Variants in ZNF184 observed in about 807,000 individuals in gnomAD.
ZNF184 encodes the protein zinc finger protein 184, also known as zinc finger protein 184 (Kruppel-like).
In ZNF184, 16 loss-of-function variants were observed where a neutral mutation model predicts 54.4. The observed-to-expected ratio is 0.29, with a 90% CI of 0.20 to 0.45. ZNF184 has a LOEUF of 0.45. Among genes scored for constraint, ZNF184 ranks in the 20% least tolerant of loss-of-function variants. The probability of loss-of-function intolerance (pLI) is 1.00; values close to 1 mark genes in which losing one functional copy is unlikely to be tolerated. For synonymous variants in ZNF184, 254 were observed against 295.3 expected, an observed-to-expected ratio of 0.86 and a Z score of 1.43; for missense variants, 681 against 888.2, an observed-to-expected ratio of 0.77 and a Z score of 2.97.
chr6:27,444,068 T>G, the ZNF184 span, among the ~76,000 whole-genome samples: 20 of 152,310 alleles, frequency 1.3e-4, no homozygotes, highest in Non-Finnish European at 2.5e-4. Flanking sequence ...AATTTGGTAC[T>G]ACCCTCCAAT....
the ZNF184 span, among the ~76,000 whole-genome samples, chr6:27,423,544 C>G: frequency 6.6e-6 from 1 of 151,972 alleles, no homozygotes; most frequent in African/African-American, 2.4e-5. Context: ...CTTGATCCTT[C>G]CCCCAACATT....
chr6:27,456,624 G>A (rs1051642626), intron 5 of ZNF184, among the ~76,000 whole-genome samples: 2 of 152,088 alleles, frequency 1.3e-5, no homozygotes, highest in African/African-American at 4.8e-5. Context: ...TCCTCAAAAA[G>A]GGGCATAACA....
the ZNF184 span, among the ~76,000 whole-genome samples, chr6:27,413,798 A>G: frequency 1.3e-5 from 2 of 152,194 alleles, no homozygotes; most frequent in African/African-American, 4.8e-5. Flanking sequence ...GGAAGAAACA[A>G]AGGTAGCCCT....
the ZNF184 span, among the ~76,000 whole-genome samples, chr6:27,424,227 C>G: frequency 4.6e-5 from 7 of 152,158 alleles, no homozygotes; most frequent in Admixed American, 6.5e-5. Context: ...GGTGAGGTCT[C>G]TGGTTTCAGG....
At chr6:27,431,893 C>T in the ZNF184 span, among the ~76,000 whole-genome samples, 29 of 152,236 alleles carry the variant, frequency 1.9e-4, no homozygotes, top group East Asian at 5.4e-3. Flanking sequence ...ACTGATGACT[C>T]CACACACACT....
At chr6:27,440,140 T>G in the ZNF184 span, among the ~76,000 whole-genome samples, 1 of 152,208 alleles carries the variant, frequency 6.6e-6, no homozygotes, top group Non-Finnish European at 1.5e-5. Flanking sequence ...AGAAACACGT[T>G]TTTGGTAAAT....
chr6:27,449,840 T>C (rs1474164750), downstream of ZNF184, among the ~76,000 whole-genome samples: 2 of 152,040 alleles, frequency 1.3e-5, no homozygotes, highest in Admixed American at 6.6e-5. Flanking sequence ...TTATACTAGA[T>C]GTTTATGGCA....
Position 27,452,819 on chromosome 6 carries a change from T to G in ZNF184, c.740A>C (p.Glu247Ala). ...ACATTCATTACATTTGTAGGGTTTT[T>G]CTCCAGTATGTGTTCTCTGATGGCG... Reference protein sequence around the residue: ...LIRHQRTHTGEKPYKCNECEK... With the variant: ...LIRHQRTHTGAKPYKCNECEK... The change falls in exon 6 of 6, where the codon GAA (glutamate) becomes GCA (alanine). Residue 247 changes from glutamate to alanine, a missense_variant. Glu to Ala is a moderately radical substitution (Grantham distance 107). Coordinates refer to ENST00000683788, the MANE Select transcript of ZNF184 (RefSeq NM_001318891.2). This position sits in a 1 kb window ranked among gnomAD's most constrained non-coding sequence, Gnocchi z 5.5. 1 of 1,613,732 alleles carries G rather than the reference T, an allele frequency of 6.2e-7. No individual in the cohort carries two copies. Among genetic ancestry groups the G allele is most frequent in the Non-Finnish European group, 8.5e-7 (1 of 1,179,914 alleles).
chr6:27,426,550 G>T, the ZNF184 span, among the ~76,000 whole-genome samples: 1 of 151,768 alleles, frequency 6.6e-6, no homozygotes, highest in Non-Finnish European at 1.5e-5. The surrounding 1 kb of genome is among the most constrained non-coding windows in gnomAD (Gnocchi z 4.2). Context: ...ATTTCTTTCT[G>T]CCTCCTGTGT....
the ZNF184 span, among the ~76,000 whole-genome samples, chr6:27,434,734 C>A: frequency 6.6e-6 from 1 of 152,104 alleles, no homozygotes; most frequent in African/African-American, 2.4e-5. Flanking sequence ...ACTGCCAAAT[C>A]CAATGTCATG....
At chr6:27,410,921 T>C in the ZNF184 span, among the ~76,000 whole-genome samples, 4 of 152,126 alleles carry the variant, frequency 2.6e-5, no homozygotes, top group Admixed American at 1.3e-4. Flanking sequence ...AAATGAGAGA[T>C]GGTAGGCAGA....
At chr6:27,414,953 G>A in the ZNF184 span, among the ~76,000 whole-genome samples, 1 of 152,124 alleles carries the variant, frequency 6.6e-6, no homozygotes, top group Admixed American at 6.5e-5. Context: ...GTGACCCTGG[G>A]CAAATCATTT....
chr6:27,413,430 A>G, the ZNF184 span, among the ~76,000 whole-genome samples: 3 of 152,240 alleles, frequency 2.0e-5, no homozygotes, highest in African/African-American at 7.2e-5. Flanking sequence ...TTGATAAAAC[A>G]TAATGTTCAC....
chr6:27,461,452 GC>G, intron 3 of ZNF184, among the ~76,000 whole-genome samples: 1 of 152,000 alleles, frequency 6.6e-6, no homozygotes, highest in East Asian at 1.9e-4. Flanking sequence ...CTGAAACACA[GC>G]CCTAGAGTAA....
chr6:27,416,453 C>T, the ZNF184 span, among the ~76,000 whole-genome samples: 1 of 152,168 alleles, frequency 6.6e-6, no homozygotes, highest in African/African-American at 2.4e-5. Flanking sequence ...CATCATGCTT[C>T]CTAGTCCTTT....
At chr6:27,426,173 T>C in the ZNF184 span, among the ~76,000 whole-genome samples, 1 of 152,236 alleles carries the variant, frequency 6.6e-6, no homozygotes, top group African/African-American at 2.4e-5. The surrounding 1 kb of genome is among the most constrained non-coding windows in gnomAD (Gnocchi z 4.2). Flanking sequence ...CCTTCCACTC[T>C]ATCTCATGTC....
chr6:27,454,848 A>T (rs769383815), intron 5 of ZNF184, among the ~76,000 whole-genome samples: 33 of 152,240 alleles, frequency 2.2e-4, no homozygotes, highest in Non-Finnish European at 3.7e-4. Context: ...CATTGACTAT[A>T]CTATTCTGAT....
Position 27,457,485 on chromosome 6 carries a change from A to G in ZNF184, c.76-76T>C, listed in dbSNP as rs1281042639. On this transcript the variant is annotated intron_variant, in intron 3 of 5. Coordinates refer to ENST00000683788, the MANE Select transcript of ZNF184 (RefSeq NM_001318891.2). Reference sequence around the variant, plus strand: ...GGGGTAAAGTTAGCAATACTGACAGAAGTAAGGCAGTCTATAGGATGTCTG... The same window carrying G: ...GGGGTAAAGTTAGCAATACTGACAGGAGTAAGGCAGTCTATAGGATGTCTG... The G allele has an allele frequency of 2.0e-6, 3 of 1,529,844 alleles. No individual in the cohort carries two copies. In the East Asian group the frequency reaches 6.8e-5, roughly 35 times the overall value. 94.8% of individuals were successfully genotyped at this position (1,529,844 alleles called of 1,614,324 possible). A position where few individuals can be genotyped will look rare whatever the true frequency, so the allele number is the denominator to read the frequency against.
At chr6:27,407,533 C>A in the ZNF184 span, among the ~76,000 whole-genome samples, 1 of 152,214 alleles carries the variant, frequency 6.6e-6, no homozygotes, top group African/African-American at 2.4e-5. Context: ...AAGCTAAGCC[C>A]TATGCACAGT....
Sources: allele counts gnomAD v4.1 joint callset (sites outside exome capture counted in the v4.1 genomes callset), GRCh38; gene constraint gnomAD v4.1.1; non-coding constraint Gnocchi (gnomAD v3.1); transcripts MANE v1.5; gene names NCBI Gene and HGNC (gene_info 2026-07-23, HGNC 2026-07-21).